OTUD4: variants seen among roughly 807,000 people sequenced by gnomAD.
The protein encoded by OTUD4 is OTU deubiquitinase 4.
OTUD4 carries 24 observed loss-of-function variants against 130.4 expected under a neutral mutation model. The ratio of observed to expected loss-of-function variants is 0.18; its 90% confidence interval spans 0.13 to 0.26. The LOEUF (loss-of-function observed/expected upper bound fraction) is 0.26, where lower values mean the gene tolerates loss of function less well. Among genes scored for constraint, OTUD4 ranks in the 10% least tolerant of loss-of-function variants. The pLI, the probability that OTUD4 is intolerant of heterozygous loss-of-function variation, is 1.00. For missense variants in OTUD4, 1,031 were observed against 1,329.4 expected (o/e 0.78, Z 3.49); for synonymous variants, 420 against 472.5 (o/e 0.89, Z 1.44).
chr4:145,146,526 C>G, intron 13 of OTUD4, 97 bp from the exon 14 acceptor site: 1 of 701,432 alleles, frequency 1.4e-6, no homozygotes, highest in Non-Finnish European at 2.1e-6. Context: ...CAAAACTGTA[C>G]TGAGTACCTA....
At position 145,141,383 on chromosome 4, in the gene OTUD4, A is replaced by G. The variant is rs918045760; in HGVS notation, c.2079T>C (p.Pro693=). The change falls in exon 19 of 21, where the codon CCT becomes CCC. Residue 693 remains proline, a synonymous_variant. Transcript: ENST00000447906. ...GAACTTGGAGAAGGAGCTCACCTTT[A>G]GGTAGGTCCTCCCCAGTCTGACACA... The part of the protein sequence containing the change: ...YSLCQTGEDL[P]KDKNILRFFF... The G allele has an allele frequency of 3.8e-6, 6 of 1,597,756 alleles. No individual in the cohort carries two copies. The highest frequency in any genetic ancestry group is 5.1e-6 in the Non-Finnish European group (6 of 1,173,134).
chr4:145,179,980 G>A lies in OTUD4; in HGVS notation c.-7C>T. 6.6e-7 allele frequency: 1 copy of A among 1,504,674 alleles called. No individual in the cohort carries two copies. Among genetic ancestry groups the A allele is most frequent in the Non-Finnish European group, 8.8e-7 (1 of 1,135,424 alleles). The allele number at this position is 1,504,674 out of a possible 1,614,324, so 93.2% of individuals were successfully genotyped here. A position where few individuals can be genotyped will look rare whatever the true frequency, so the allele number is the denominator to read the frequency against. On this transcript the variant is annotated 5_prime_UTR_variant, in exon 1 of 21. Transcript: ENST00000447906. ...CGCCGACGGCAGCCTCCATGTTGCT[G>A]GTCCTGCTGCAGGCCAGGCGCGGCG...
intron 13 of OTUD4, among the ~76,000 whole-genome samples, chr4:145,146,819 A>T (rs1282915303): frequency 6.6e-6 from 1 of 152,228 alleles, no homozygotes; most frequent in Non-Finnish European, 1.5e-5. Flanking sequence ...AGGGAAAGTT[A>T]TTAGTTTAGG....
intron 13 of OTUD4, 117 bp downstream of exon 13, chr4:145,150,396 A>G (rs1751012447): frequency 7.8e-6 from 5 of 645,050 alleles, no homozygotes; most frequent in Non-Finnish European, 1.3e-5. Flanking sequence ...CTTAATACTA[A>G]TATAGGGACA....
intron 5 of OTUD4, among the ~76,000 whole-genome samples, chr4:145,163,948 T>A (rs552047193): frequency 2.0e-5 from 3 of 152,186 alleles, no homozygotes; most frequent in African/African-American, 7.2e-5. Flanking sequence ...CCTCAAGTGA[T>A]CTGCCTGCCT....
chr4:145,138,335 G>C lies in OTUD4; in HGVS notation c.2440C>G (p.Leu814Val). ...AGCTGCCCAGGGGTCTCAGATTCAA[G>C]ATCAGCCTGGTAAGACAATTGTCCA... ...SHGQLSYQAD[L>V]ESETPGQLLH... Residue 814 changes from leucine (L) to valine (V), a missense_variant, in exon 21 of 21, where the codon CTT (leucine) becomes GTT (valine). This residue lies in a region of OTUD4 where 900 missense variants were observed against 1,095.9 expected (regional missense o/e 0.82). Coordinates refer to ENST00000447906, the MANE Select transcript of OTUD4 (RefSeq NM_001366057.1). The C allele has an allele frequency of 1.2e-6, 2 of 1,614,178 alleles. No homozygotes were observed. The highest frequency in any genetic ancestry group is 1.1e-5 in the South Asian group (1 of 91,082).
intron 10 of OTUD4, among the ~76,000 whole-genome samples, chr4:145,155,123 T>C (rs1484916380): frequency 1.3e-5 from 2 of 152,210 alleles, no homozygotes; most frequent in Non-Finnish European, 2.9e-5. Flanking sequence ...TACCTCAATA[T>C]CTGAAATGTT....
chr4:145,177,540 T>C (rs1014045148), intron 1 of OTUD4, among the ~76,000 whole-genome samples: 9 of 152,218 alleles, frequency 5.9e-5, no homozygotes, highest in African/African-American at 1.9e-4. Context: ...AATTAATATA[T>C]ACATGAAAGC....
intron 13 of OTUD4, among the ~76,000 whole-genome samples, chr4:145,149,039 T>C (rs963911589): frequency 6.6e-6 from 1 of 152,208 alleles, no homozygotes; most frequent in African/African-American, 2.4e-5. Flanking sequence ...GATATGTTCA[T>C]ATTCCTAATC....
intron 14 of OTUD4, 78 bp from the exon 15 acceptor site, chr4:145,144,512 C>T: frequency 7.4e-7 from 1 of 1,356,672 alleles, no homozygotes; most frequent in Non-Finnish European, 1.0e-6. Flanking sequence ...TAATTAATCT[C>T]ACTCTTCATA....
intron 13 of OTUD4, among the ~76,000 whole-genome samples, chr4:145,148,335 A>G (rs1205327745): frequency 6.6e-6 from 1 of 152,144 alleles, no homozygotes; most frequent in Non-Finnish European, 1.5e-5. Flanking sequence ...CCCCGTCTTT[A>G]ATTAAAATAC....
At chr4:145,157,335 G>C (rs1751341612) in intron 7 of OTUD4, among the ~76,000 whole-genome samples, 1 of 152,138 alleles carries the variant, frequency 6.6e-6, no homozygotes, top group Non-Finnish European at 1.5e-5. Context: ...GGAGATAATT[G>C]AATCATGTGG....
intron 7 of OTUD4, among the ~76,000 whole-genome samples, chr4:145,158,069 T>A (rs1230948357): frequency 6.6e-6 from 1 of 152,236 alleles, no homozygotes; most frequent in Non-Finnish European, 1.5e-5. Flanking sequence ...CTAGGCAAAG[T>A]CAGTCTATTC....
At chr4:145,146,460 A>G (rs754549830) in intron 13 of OTUD4, 31 bp from the exon 14 acceptor site, 4 of 1,253,370 alleles carry the variant, frequency 3.2e-6, no homozygotes, top group African/African-American at 3.2e-5. Flanking sequence ...GTCAGAAAAT[A>G]CATAAATAAA....
rs568220657 is a variant in OTUD4, at chr4:145,161,736, C to T, written c.496+904G>A. ...CTGAAGTTCACAAGAGAGCCTACAACAGAGGAGTATCTGGCCGAAAATATC... is the reference window on the plus strand; with the variant it reads ...CTGAAGTTCACAAGAGAGCCTACAATAGAGGAGTATCTGGCCGAAAATATC... On this transcript the variant is annotated intron_variant, in intron 6 of 20. Coordinates refer to ENST00000447906, the MANE Select transcript of OTUD4 (RefSeq NM_001366057.1). Among the ~76,000 whole-genome samples the T allele has an allele frequency of 2.6e-5, 4 of 152,300 alleles. No individual in the cohort carries two copies. The East Asian group carries it at 7.7e-4, about 29-fold the overall frequency.
intron 11 of OTUD4, among the ~76,000 whole-genome samples, chr4:145,151,182 T>C (rs1273738757): frequency 1.3e-5 from 2 of 152,204 alleles, no homozygotes; most frequent in African/African-American, 4.8e-5. Flanking sequence ...CTTATTCTGT[T>C]AGGATAATGG....
At chr4:145,152,982 G>T (rs774900097) in intron 10 of OTUD4, among the ~76,000 whole-genome samples, 1 of 150,814 alleles carries the variant, frequency 6.6e-6, no homozygotes, top group Non-Finnish European at 1.5e-5. Flanking sequence ...TGATCCACCC[G>T]CCTAGGCCTC....
chr4:145,139,533 T>C (rs1030118587), intron 20 of OTUD4, among the ~76,000 whole-genome samples: 1 of 152,208 alleles, frequency 6.6e-6, no homozygotes, highest in African/African-American at 2.4e-5. Flanking sequence ...TTTTCAATAA[T>C]GGAGGCAAGT....
At chr4:145,167,534 TA>T (rs1449361675) in intron 3 of OTUD4, among the ~76,000 whole-genome samples, 2 of 152,218 alleles carry the variant, frequency 1.3e-5, no homozygotes, top group African/African-American at 4.8e-5. Context: ...TTCTAATTTT[TA>T]TACAAGAAGT....
Sources: allele counts gnomAD v4.1 joint callset (sites outside exome capture counted in the v4.1 genomes callset), GRCh38; gene constraint gnomAD v4.1.1; regional missense constraint gnomAD v4.1.1; transcripts MANE v1.5; gene names NCBI Gene and HGNC (gene_info 2026-07-23, HGNC 2026-07-21).